Variants in CEP135 observed in about 807,000 individuals in gnomAD.
CEP135 encodes the protein centrosomal protein of 135 kDa.
In CEP135, 142 loss-of-function variants were observed where a neutral mutation model predicts 157.3. That is an observed-to-expected ratio of 0.90 (90% confidence interval 0.79 to 1.04). The LOEUF is 1.04. Ranked by LOEUF, CEP135 falls within the 50% of genes least tolerant of loss-of-function variation. The pLI, the probability that CEP135 is intolerant of heterozygous loss-of-function variation, is 0.00. For missense variants in CEP135, 1,317 were observed against 1,309.2 expected, an observed-to-expected ratio of 1.01 and a Z score of -0.09; for synonymous variants, 396 against 439.8, an observed-to-expected ratio of 0.90 and a Z score of 1.25.
Position 56,032,747 on chromosome 4 carries a change from A to T in CEP135, c.*1399A>T, listed in dbSNP as rs143860899. 6.6e-6 allele frequency: 1 copy of T among 152,228 alleles called. No homozygotes were observed. The highest frequency in any genetic ancestry group is 6.5e-5 in the Admixed American group (1 of 15,282). The allele number at this position is 152,228 out of a possible 1,614,324, so 9.4% of individuals were successfully genotyped here. On this transcript the variant is annotated 3_prime_UTR_variant, in exon 26 of 26. Transcript: ENST00000257287. ...ATCGTGAAGAAAATCTGTTCTTAAT[A>T]TATTTCATTATGATTGAAAAACATA...
intron 12 of CEP135, among the ~76,000 whole-genome samples, chr4:55,980,975 T>C: frequency 6.6e-6 from 1 of 152,114 alleles, no homozygotes; most frequent in East Asian, 1.9e-4. Context: ...CTTTCTTGGG[T>C]CTGCCTAGTT....
At chr4:55,988,551 T>C (rs1278973564) in intron 14 of CEP135, among the ~76,000 whole-genome samples, 3 of 151,944 alleles carry the variant, frequency 2.0e-5, no homozygotes, top group Admixed American at 6.6e-5. Flanking sequence ...TCCCAGCTAC[T>C]TGGGAGGCAG....
In CEP135 at chr4:55,949,331, C is replaced by G. The variant is rs554027169; in HGVS notation, c.-46+272C>G. ...GAGCTTGGGCCGACTCGTCAAGGAGCGTCTGTGTGGGCCGTGCAGACAGGC... is the reference window on the plus strand; with the variant it reads ...GAGCTTGGGCCGACTCGTCAAGGAGGGTCTGTGTGGGCCGTGCAGACAGGC... On this transcript the variant is annotated intron_variant, in intron 1 of 25. Transcript: ENST00000257287. 5.6e-3 allele frequency among the ~76,000 whole-genome samples: 849 copies of G among 152,224 alleles called. 2 individuals carry two copies. The highest frequency in any genetic ancestry group is 0.011 in the South Asian group (55 of 4,822).
chr4:55,949,362 G>A (rs1728281200), intron 1 of CEP135, among the ~76,000 whole-genome samples: 1 of 152,236 alleles, frequency 6.6e-6, no homozygotes, highest in Non-Finnish European at 1.5e-5. Context: ...CAGGCTTGCT[G>A]TTGACCAATG....
chr4:56,019,556 G>A lies in CEP135; in HGVS notation c.3215+1G>A. 6.2e-7 allele frequency: 1 copy of A among 1,605,786 alleles called. No homozygotes were observed. The highest frequency in any genetic ancestry group is 8.5e-7 in the Non-Finnish European group (1 of 1,176,940). ...AGTTAACCCTTTCTGAAAGCAAATT[G>A]TAAGTGTCTTAAGTCAACTTATGCA... On this transcript the variant is annotated splice_donor_variant, in intron 23 of 25. Coordinates refer to ENST00000257287, the MANE Select transcript of CEP135 (RefSeq NM_025009.5). LOFTEE classifies it high-confidence loss of function.
intron 24 of CEP135, 141 bp from the exon 25 acceptor site, chr4:56,024,360 G>T (rs1471736662): frequency 1.9e-6 from 1 of 517,838 alleles, no homozygotes. Context: ...CTTAAAAATT[G>T]TACAAAGACA....
At chr4:55,977,873 T>C (rs1729274444) in intron 11 of CEP135, among the ~76,000 whole-genome samples, 1 of 152,216 alleles carries the variant, frequency 6.6e-6, no homozygotes, top group African/African-American at 2.4e-5. Context: ...TATTTCCTTA[T>C]TATTTGCTGG....
Position 55,953,207 on chromosome 4 carries a change from G to A in CEP135, c.236G>A (p.Ser79Asn), listed in dbSNP as rs1464936319. ...TATAAACTTGAAAATGCAAGATTGAGTAGAGAAAATAATGAATTATACCTA... is the reference window on the plus strand; with the variant it reads ...TATAAACTTGAAAATGCAAGATTGAATAGAGAAAATAATGAATTATACCTA... ...EPYKLENARL[S>N]RENNELYLEL... Residue 79 changes from serine (S) to asparagine (N), a missense_variant, in exon 3 of 26, where the codon AGT becomes AAT. Ser to Asn is a conservative substitution (Grantham distance 46). Coordinates refer to ENST00000257287, the MANE Select transcript of CEP135 (RefSeq NM_025009.5). 2 of 1,600,874 alleles carry A rather than the reference G, an allele frequency of 1.2e-6. No homozygotes were observed. The highest frequency in any genetic ancestry group is 1.7e-6 in the Non-Finnish European group (2 of 1,176,060).
chr4:55,970,303 C>T (rs1728988940), intron 9 of CEP135, among the ~76,000 whole-genome samples: 2 of 152,142 alleles, frequency 1.3e-5, no homozygotes, highest in South Asian at 4.1e-4. Context: ...ACAGAAAAAG[C>T]ATATAGTCCT....
In CEP135 at chr4:55,965,723, C is replaced by T. The variant is rs748056369; in HGVS notation, c.908C>T (p.Ser303Phe). 2.5e-6 allele frequency: 4 copies of T among 1,613,860 alleles called. No individual in the cohort carries two copies. In the South Asian group the frequency reaches 4.4e-5, roughly 18 times the overall value. Reference protein sequence around the residue: ...ELMETKETVTSEVVNLSNKNE... With the variant: ...ELMETKETVTFEVVNLSNKNE... ...ATGGAAACCAAGGAAACAGTGACAT[C>T]TGAAGTCGTTAATTTAAGTAACAAA... Residue 303 changes from serine (S) to phenylalanine (F), a missense_variant, in exon 8 of 26, where the codon TCT becomes TTT. Coordinates refer to ENST00000257287, the MANE Select transcript of CEP135 (RefSeq NM_025009.5).
rs140387199 is a variant in CEP135 at position 55,954,626 on chromosome 4, G to C, written c.472+243G>C. Among the ~76,000 whole-genome samples the C allele has an allele frequency of 1.3e-3, 191 of 152,172 alleles. 1 individual carries two copies. The highest frequency in any genetic ancestry group is 4.4e-3 in the African/African-American group (182 of 41,508). Reference sequence around the variant, plus strand: ...GATACTAGTCTAACTTTAATGCCCAGAGCTTTCTCTAATCAATATTTTAAA... The same window carrying C: ...GATACTAGTCTAACTTTAATGCCCACAGCTTTCTCTAATCAATATTTTAAA... On this transcript the variant is annotated intron_variant, in intron 4 of 25. Transcript: ENST00000257287.
At chr4:56,023,995 A>G (rs1731066685) in intron 24 of CEP135, among the ~76,000 whole-genome samples, 1 of 142,146 alleles carries the variant, frequency 7.0e-6, no homozygotes. Context: ...ATTGTATGTT[A>G]TATATTTATA....
intron 25 of CEP135, among the ~76,000 whole-genome samples, chr4:56,025,907 C>T (rs7436262): frequency 4.4e-5 from 6 of 137,126 alleles, no homozygotes; most frequent in Non-Finnish European, 9.6e-5. Flanking sequence ...GCATGAAAAT[C>T]AAAAAAAAAA....
intron 10 of CEP135, among the ~76,000 whole-genome samples, chr4:55,974,543 T>C (rs1729129399): frequency 1.3e-5 from 2 of 152,208 alleles, no homozygotes; most frequent in Non-Finnish European, 2.9e-5. Flanking sequence ...TTGGACTTTA[T>C]TTAAACTTTT....
chr4:56,009,720 T>A lies in CEP135; in HGVS notation c.2337-15T>A. The A allele has an allele frequency of 2.5e-6, 4 of 1,589,004 alleles. No individual in the cohort carries two copies. In the South Asian group the frequency reaches 4.7e-5, roughly 19 times the overall value. On this transcript the variant is annotated splice_polypyrimidine_tract_variant and intron_variant, in intron 18 of 25. Transcript: ENST00000257287. ...AAAAGTTTTCTTTATTAGTTTCACA[T>A]CACTCATTTAACAGCCAGCTGAAAG...
chr4:55,999,392 A>G lies in CEP135; in HGVS notation c.2100A>G (p.Gln700=), dbSNP rs746878219. 2.0e-5 allele frequency: 32 copies of G among 1,614,160 alleles called. No individual in the cohort carries two copies. The highest frequency in any genetic ancestry group is 2.6e-5 in the Non-Finnish European group (31 of 1,180,024). ...KRGELESAQA[Q]IKILEEKIDE... Reference sequence around the variant, plus strand: ...GTGAACTTGAATCAGCCCAAGCACAAATTAAAATACTGGAGGAAAAGATAG... The same window carrying G: ...GTGAACTTGAATCAGCCCAAGCACAGATTAAAATACTGGAGGAAAAGATAG... Residue 700 remains glutamine (Q), a synonymous_variant, in exon 16 of 26, where the codon CAA becomes CAG. Transcript: ENST00000257287.
chr4:56,003,451 G>A (rs751820928), intron 17 of CEP135, among the ~76,000 whole-genome samples: 12 of 151,906 alleles, frequency 7.9e-5, no homozygotes, highest in Non-Finnish European at 5.9e-5. Context: ...CTACTGATCC[G>A]CCCGCCTCGG....
At chr4:55,954,666 A>G (rs1359637255) in intron 4 of CEP135, among the ~76,000 whole-genome samples, 1 of 152,116 alleles carries the variant, frequency 6.6e-6, no homozygotes, top group Non-Finnish European at 1.5e-5. Context: ...TTTTTCTATT[A>G]TTATTATCAT....
At chr4:56,009,681 G>C (rs556414278) in intron 18 of CEP135, 54 bp from the exon 19 acceptor site, 1 of 1,486,020 alleles carries the variant, frequency 6.7e-7, no homozygotes, top group African/African-American at 1.4e-5. Context: ...TCTTTTAAAT[G>C]AACTACAGTT....
Sources: gnomAD v4.1 joint callset for allele counts (sites outside exome capture counted in the v4.1 genomes callset) on GRCh38, gnomAD v4.1.1 for gene constraint, MANE v1.5 for transcripts, NCBI Gene and HGNC (gene_info 2026-07-23, HGNC 2026-07-21) for gene names.